Variants in ARL15 observed in about 807,000 individuals in gnomAD.
ARL15 encodes ARF like GTPase 15, also known as ADP-ribosylation factor-like protein 15.
In ARL15, 19 loss-of-function variants were observed where a neutral mutation model predicts 25.2. That is an observed-to-expected ratio of 0.75 (90% CI 0.53 to 1.10). ARL15 has a LOEUF of 1.10. Ranked by LOEUF, ARL15 falls within the 50% of genes least tolerant of loss-of-function variation. The pLI is 0.00. For synonymous variants in ARL15, 94 were observed against 86.8 expected, an observed-to-expected ratio of 1.08 and a Z score of -0.46; for missense variants, 220 against 246.0, an observed-to-expected ratio of 0.89 and a Z score of 0.71.
intron 1 of ARL15, among the ~76,000 whole-genome samples, chr5:54,227,635 G>A (rs191419553): frequency 1.3e-5 from 2 of 152,280 alleles, no homozygotes; most frequent in East Asian, 3.9e-4. Flanking sequence ...AATACTTCTG[G>A]GTCATTCTCA....
At chr5:54,254,488 T>C (rs909214690) in intron 1 of ARL15, among the ~76,000 whole-genome samples, 11 of 152,244 alleles carry the variant, frequency 7.2e-5, no homozygotes, top group Non-Finnish European at 1.6e-4. Context: ...GTAGTCTGTA[T>C]TTTCTTTTAT....
At chr5:53,945,241 T>C (rs1746683291) in intron 4 of ARL15, among the ~76,000 whole-genome samples, 1 of 152,220 alleles carries the variant, frequency 6.6e-6, no homozygotes, top group South Asian at 2.1e-4. Context: ...CTATTTCCAC[T>C]GTACTCCTAG....
intron 1 of ARL15, among the ~76,000 whole-genome samples, chr5:54,178,812 T>C (rs1433400143): frequency 6.6e-6 from 1 of 152,152 alleles, no homozygotes; most frequent in Non-Finnish European, 1.5e-5. Flanking sequence ...TCTGTAACAG[T>C]CAGTTATGGC....
intron 4 of ARL15, among the ~76,000 whole-genome samples, chr5:53,988,870 G>C (rs59853482): frequency 0.082 from 12,406 of 152,164 alleles, 590 homozygotes; most frequent in African/African-American, 0.091. Context: ...GTGAATTTCT[G>C]AAAAGCTGCA....
chr5:54,300,302 AAT>A (rs1758583691), intron 1 of ARL15, among the ~76,000 whole-genome samples: 1 of 152,248 alleles, frequency 6.6e-6, no homozygotes, highest in African/African-American at 2.4e-5. Flanking sequence ...CTTCGGCCTC[AAT>A]ATGAGAAGTC....
intron 4 of ARL15, among the ~76,000 whole-genome samples, chr5:53,961,689 C>T (rs1488190312): frequency 1.3e-5 from 2 of 152,012 alleles, no homozygotes; most frequent in African/African-American, 4.8e-5. Flanking sequence ...AAAATTCCAA[C>T]AGTAGAGAAA....
chr5:54,147,267 T>C (rs1271191839), intron 3 of ARL15, among the ~76,000 whole-genome samples: 2 of 152,086 alleles, frequency 1.3e-5, no homozygotes, highest in African/African-American at 4.8e-5. Context: ...CAGTATTACA[T>C]ATCACACTAG....
chr5:54,183,712 A>G (rs1165382147), intron 1 of ARL15, among the ~76,000 whole-genome samples: 35 of 149,684 alleles, frequency 2.3e-4, no homozygotes, highest in African/African-American at 8.3e-4. Flanking sequence ...GGGATCTAGA[A>G]CTAGAAATAC....
At chr5:54,282,550 A>T in intron 1 of ARL15, 1 of 985,334 alleles carries the variant, frequency 1.0e-6, no homozygotes, top group Non-Finnish European at 1.2e-6. Context: ...TGTAAGGCAG[A>T]TACTTTGTCC....
chr5:54,130,121 C>T (rs1211391253), intron 3 of ARL15, among the ~76,000 whole-genome samples: 1 of 152,018 alleles, frequency 6.6e-6, no homozygotes, highest in African/African-American at 2.4e-5. Flanking sequence ...GCCTGTAGTC[C>T]CAGATAATTG....
chr5:54,082,819 T>G (rs921180859), intron 4 of ARL15, among the ~76,000 whole-genome samples: 1 of 152,230 alleles, frequency 6.6e-6, no homozygotes. Context: ...TTTGATTATA[T>G]GCAAATTTGT....
At chr5:54,021,837 C>A (rs1402000355) in intron 4 of ARL15, among the ~76,000 whole-genome samples, 2 of 152,050 alleles carry the variant, frequency 1.3e-5, no homozygotes, top group Non-Finnish European at 2.9e-5. Context: ...TGCCAAGATA[C>A]AACATAATGA....
intron 4 of ARL15, among the ~76,000 whole-genome samples, chr5:54,018,262 T>TTGCCTTTTGTCTTTTTCAACAGTA (rs1451513340): frequency 6.6e-6 from 1 of 152,226 alleles, no homozygotes; most frequent in Non-Finnish European, 1.5e-5. Flanking sequence ...TTATAATTTG[T>TTGCCTTTTGTCTTTTTCAACAGTA]TGCCTTTTGT....
chr5:54,097,510 C>A (rs1282604099), intron 4 of ARL15, among the ~76,000 whole-genome samples: 1 of 152,198 alleles, frequency 6.6e-6, no homozygotes, highest in African/African-American at 2.4e-5. Context: ...GCTAGTCTTA[C>A]AAAAATGGTA....
chr5:54,087,253 G>A (rs1190884800), intron 4 of ARL15, among the ~76,000 whole-genome samples: 4 of 152,018 alleles, frequency 2.6e-5, no homozygotes, highest in Admixed American at 1.3e-4. Context: ...GTGTGAATCC[G>A]GGAGGCGGAG....
chr5:54,123,441 TTC>T (rs1222933109), intron 3 of ARL15, among the ~76,000 whole-genome samples: 1 of 152,208 alleles, frequency 6.6e-6, no homozygotes, highest in African/African-American at 2.4e-5. Context: ...ATACTGTTTC[TTC>T]TCTCTGAGCT....
chr5:53,913,090 G>A (rs543280529), intron 4 of ARL15, among the ~76,000 whole-genome samples: 14 of 152,196 alleles, frequency 9.2e-5, no homozygotes, highest in Non-Finnish European at 1.8e-4. Flanking sequence ...ACTTGAGGCC[G>A]GACTTCAAGA....
At chr5:54,268,514 T>C (rs1388288948) in intron 1 of ARL15, among the ~76,000 whole-genome samples, 2 of 152,302 alleles carry the variant, frequency 1.3e-5, no homozygotes, top group African/African-American at 4.8e-5. Flanking sequence ...TGGTGAGGAA[T>C]TGCGTTCCTT....
chr5:53,927,605 C>T (rs1447810287), intron 4 of ARL15, among the ~76,000 whole-genome samples: 1 of 152,178 alleles, frequency 6.6e-6, no homozygotes, highest in African/African-American at 2.4e-5. Context: ...CCTGCAAGTA[C>T]TGATCACACA....
Sources: allele counts gnomAD v4.1 joint callset (sites outside exome capture counted in the v4.1 genomes callset), GRCh38; gene constraint gnomAD v4.1.1; transcripts MANE v1.5; gene names NCBI Gene and HGNC (gene_info 2026-07-23, HGNC 2026-07-21).